SOX10: variants seen among roughly 807,000 people sequenced by gnomAD.
SOX10 encodes the protein SRY-box transcription factor 10, also known as transcription factor SOX-10.
A neutral mutation model predicts 35.0 loss-of-function variants in SOX10; 3 were observed. The observed-to-expected ratio is 0.09, with a 90% CI of 0.04 to 0.22. SOX10 has a LOEUF of 0.22. SOX10 is among the 10% of genes least tolerant of loss of function. The probability of loss-of-function intolerance (pLI) is 1.00; values close to 1 mark genes in which losing one functional copy is unlikely to be tolerated. For missense variants in SOX10, 436 were observed against 655.1 expected (o/e 0.67, Z 3.65); for synonymous variants, 285 against 291.0 (o/e 0.98, Z 0.21).
At chr22:37,981,505 C>T (rs910121793) in intron 2 of SOX10, among the ~76,000 whole-genome samples, 2 of 152,172 alleles carry the variant, frequency 1.3e-5, no homozygotes, top group African/African-American at 2.4e-5. Context: ...GGAGTCCAAG[C>T]CCAGGGTTCT....
chr22:37,974,121 C>G lies in SOX10; in HGVS notation c.775G>C (p.Asp259His), dbSNP rs1932150045. ...CCGCCCTCCCCCATGGAGCGCCCGT[C>G]CCGCTTCGGGTCTGCCTTGCCCGAC... ...LQSGKADPKR[D>H]GRSMGEGGKP... Residue 259 changes from aspartate to histidine, a missense_variant, in exon 4 of 4, where the codon GAC becomes CAC. Around this residue, in one of 3 missense-constraint regions of SOX10, gnomAD observed 285 missense variants for 402.9 expected, o/e 0.71. Transcript: ENST00000396884. This position sits in a 1 kb window ranked among gnomAD's most constrained non-coding sequence, Gnocchi z 5.4. 6.2e-7 allele frequency: 1 copy of G among 1,612,946 alleles called. No individual in the cohort carries two copies. Among genetic ancestry groups the G allele is most frequent in the Admixed American group, 1.7e-5 (1 of 60,008 alleles).
At chr22:37,982,594 C>T (rs1378234753) in intron 2 of SOX10, among the ~76,000 whole-genome samples, 1 of 152,100 alleles carries the variant, frequency 6.6e-6, no homozygotes, top group Admixed American at 6.5e-5. Flanking sequence ...GTGCTCAGCT[C>T]CAGCTCTGGG....
Position 37,974,342 on chromosome 22 carries a change from G to T in SOX10, c.698-144C>A. 1 of 631,058 alleles carries T rather than the reference G, an allele frequency of 1.6e-6. No individual in the cohort carries two copies. The highest frequency in any genetic ancestry group is 1.9e-5 in the African/African-American group (1 of 53,850). The allele number at this position is 631,058 out of a possible 1,614,324, so 39.1% of individuals were successfully genotyped here. A position where few individuals can be genotyped will look rare whatever the true frequency, so the allele number is the denominator to read the frequency against. On this transcript the variant is annotated intron_variant, in intron 3 of 3. Transcript: ENST00000396884. The surrounding 1 kb of genome is among the most constrained non-coding windows in gnomAD (Gnocchi z 5.4). ...TAAGTTTCACATTTTGGCAGCATGAGTCGGGTTTTTTTTTGTTTTTTTTTT... is the reference window on the plus strand; with the variant it reads ...TAAGTTTCACATTTTGGCAGCATGATTCGGGTTTTTTTTTGTTTTTTTTTT...
rs115516002 is a variant in SOX10 at position 37,983,992 on chromosome 22, T to A, written c.-84-124A>T. On this transcript the variant is annotated intron_variant, in intron 1 of 3. Coordinates refer to ENST00000396884, the MANE Select transcript of SOX10 (RefSeq NM_006941.4). The surrounding 1 kb of genome is among the most constrained non-coding windows in gnomAD (Gnocchi z 9.5). ...GCTCCAGCTAAACCCATCTGGCCCC[T>A]GGGGCCCACGCACATGCCAGACTCT... The A allele has an allele frequency of 2.8e-3, 955 of 335,284 alleles. 14 individuals are homozygous for A. Among genetic ancestry groups the A allele is most frequent in the African/African-American group, 0.02 (898 of 44,732 alleles). The allele number at this position is 335,284 out of a possible 1,614,324, so 20.8% of individuals were successfully genotyped here.
chr22:37,979,710 C>T (rs1251591569), intron 2 of SOX10, among the ~76,000 whole-genome samples: 1 of 152,012 alleles, frequency 6.6e-6, no homozygotes, highest in Non-Finnish European at 1.5e-5. Flanking sequence ...CAGCCTTAGG[C>T]CAGGGTTGGA....
At position 37,983,251 on chromosome 22, in the gene SOX10, C is replaced by G. The variant is rs1932455460; in HGVS notation, c.428+106G>C. On this transcript the variant is annotated intron_variant, in intron 2 of 3. Transcript: ENST00000396884. The surrounding 1 kb of genome is among the most constrained non-coding windows in gnomAD (Gnocchi z 9.5). ...GTCTTCCAGCCCTATCCAAGGAGGA[C>G]TGCCAGACAGTCCCGCTCTGAGGTG... The G allele has an allele frequency of 2.3e-6, 3 of 1,322,382 alleles. No homozygotes were observed. The highest frequency in any genetic ancestry group is 5.0e-5 in the East Asian group (2 of 39,890). The allele number at this position is 1,322,382 out of a possible 1,614,324, so 81.9% of individuals were successfully genotyped here.
chr22:37,973,315 C>G lies in SOX10; in HGVS notation c.*180G>C. On this transcript the variant is annotated 3_prime_UTR_variant, in exon 4 of 4. Coordinates refer to ENST00000396884, the MANE Select transcript of SOX10 (RefSeq NM_006941.4). ...TTCTCCTGGGGCTTTGCTGCTGGAG[C>G]CTGGATGGGGCGGGTGGGTCATCAG... 3.5e-6 allele frequency: 2 copies of G among 573,860 alleles called. No homozygotes were observed. The highest frequency in any genetic ancestry group is 6.2e-6 in the Non-Finnish European group (2 of 322,952). The allele number at this position is 573,860 out of a possible 1,614,324, so 35.5% of individuals were successfully genotyped here.
intron 2 of SOX10, among the ~76,000 whole-genome samples, chr22:37,979,426 C>G (rs948748111): frequency 2.0e-5 from 3 of 151,960 alleles, no homozygotes; most frequent in Non-Finnish European, 4.4e-5. Flanking sequence ...ATGCTGCTTG[C>G]GGGGGTGGTT....
Position 37,978,151 on chromosome 22 carries a change from A to C in SOX10, c.429-16T>G. On this transcript the variant is annotated splice_polypyrimidine_tract_variant and intron_variant, in intron 2 of 3. Transcript: ENST00000396884. This position sits in a 1 kb window ranked among gnomAD's most constrained non-coding sequence, Gnocchi z 5.0. ...GTTCAGCAGCCTGGGGTGTGGTGGG[A>C]GGCGGAGAGGACAGCAGAGGGGCTG... The C allele has an allele frequency of 6.5e-7, 1 of 1,538,314 alleles. No homozygotes were observed. Among genetic ancestry groups the C allele is most frequent in the South Asian group, 1.2e-5 (1 of 82,006 alleles).
At position 37,983,788 on chromosome 22, in the gene SOX10, G is replaced by A; in HGVS notation, c.-4C>T. The A allele has an allele frequency of 1.4e-6, 2 of 1,432,898 alleles. No individual in the cohort carries two copies. Among genetic ancestry groups the A allele is most frequent in the Non-Finnish European group, 1.8e-6 (2 of 1,093,256 alleles). 88.8% of individuals were successfully genotyped at this position (1,432,898 alleles called of 1,614,324 possible). Reference sequence around the variant, plus strand: ...ATAGGTCCTGCTCCTCCGCCATGTCGCCCCCGGCCGCCGCCGCCGCCGCCT... The same window carrying A: ...ATAGGTCCTGCTCCTCCGCCATGTCACCCCCGGCCGCCGCCGCCGCCGCCT... On this transcript the variant is annotated 5_prime_UTR_variant, in exon 2 of 4. Coordinates refer to ENST00000396884, the MANE Select transcript of SOX10 (RefSeq NM_006941.4). The surrounding 1 kb of genome is among the most constrained non-coding windows in gnomAD (Gnocchi z 9.5).
At chr22:37,976,399 T>C (rs1490815042) in intron 3 of SOX10, among the ~76,000 whole-genome samples, 1 of 152,234 alleles carries the variant, frequency 6.6e-6, no homozygotes, top group South Asian at 2.1e-4. Context: ...TTTTCATCCC[T>C]GCTCCTCTCT....
Position 37,983,400 on chromosome 22 carries a change from G to A in SOX10, c.385C>T (p.Leu129=), listed in dbSNP as rs1932462525. ...GTCTTGCTGAGCTCAGCGTTGTGCA[G>A]GTGCGGGTACTGGTCCGCGAGCTTC... ...RRKLADQYPH[L]HNAELSKTLG... The change falls in exon 2 of 4, where the codon CTG becomes TTG. Residue 129 remains leucine (L), a synonymous_variant. Transcript: ENST00000396884. The surrounding 1 kb of genome is among the most constrained non-coding windows in gnomAD (Gnocchi z 9.5). The A allele has an allele frequency of 1.2e-6, 2 of 1,610,530 alleles. No homozygotes were observed. The highest frequency in any genetic ancestry group is 1.7e-6 in the Non-Finnish European group (2 of 1,178,978).
chr22:37,975,475 T>C (rs192362100), intron 3 of SOX10, among the ~76,000 whole-genome samples: 1 of 151,852 alleles, frequency 6.6e-6, no homozygotes, highest in Admixed American at 6.6e-5. Context: ...GGTCTCCTGA[T>C]GTGTGTGTGT....
At chr22:37,975,555 A>G (rs1304214954) in intron 3 of SOX10, among the ~76,000 whole-genome samples, 1 of 152,146 alleles carries the variant, frequency 6.6e-6, no homozygotes, top group Non-Finnish European at 1.5e-5. Flanking sequence ...TGGCATCCCA[A>G]TGGAGACAGA....
chr22:37,977,459 T>G (rs1932255166), intron 3 of SOX10, among the ~76,000 whole-genome samples: 2 of 151,972 alleles, frequency 1.3e-5, no homozygotes, highest in Non-Finnish European at 2.9e-5. Context: ...TAGCTGGGAC[T>G]ACAGGTGCTC....
At chr22:37,976,458 T>C (rs1363180953) in intron 3 of SOX10, among the ~76,000 whole-genome samples, 1 of 152,356 alleles carries the variant, frequency 6.6e-6, no homozygotes, top group East Asian at 1.9e-4. Flanking sequence ...CTCTGGTTAG[T>C]ACCCCTGGTG....
In SOX10 at chr22:37,973,719, G is replaced by A. The variant is rs1468610407; in HGVS notation, c.1177C>T (p.Pro393Ser). Residue 393 changes from proline to serine, a missense_variant, in exon 4 of 4, where the codon CCC becomes TCC. Pro to Ser is a moderately conservative substitution (Grantham distance 74). This residue lies in a region of SOX10 where 285 missense variants were observed against 402.9 expected (regional missense o/e 0.71). Transcript: ENST00000396884. ...TCAAACTGGGGGCGGGAGATGGAGG[G>A]GAAGGCTGAGCCATAGTGGGGCAGG... ...LSLPHYGSAF[P>S]SISRPQFDYS... 1 of 1,606,022 alleles carries A rather than the reference G, an allele frequency of 6.2e-7. No homozygotes were observed. The highest frequency in any genetic ancestry group is 1.1e-5 in the South Asian group (1 of 90,768).
chr22:37,976,706 C>T (rs1932230912), intron 3 of SOX10, among the ~76,000 whole-genome samples: 1 of 152,196 alleles, frequency 6.6e-6, no homozygotes, highest in Non-Finnish European at 1.5e-5. Flanking sequence ...TGAGCCCAGG[C>T]AGTTTGGGTA....
intron 2 of SOX10, among the ~76,000 whole-genome samples, chr22:37,982,785 C>T (rs867031573): frequency 2.6e-5 from 4 of 152,084 alleles, no homozygotes; most frequent in Admixed American, 6.5e-5. Flanking sequence ...AGGAGGGTGG[C>T]GTCAGAAAGT....
Sources: allele counts gnomAD v4.1 joint callset (sites outside exome capture counted in the v4.1 genomes callset), GRCh38; gene constraint gnomAD v4.1.1; regional missense constraint gnomAD v4.1.1; non-coding constraint Gnocchi (gnomAD v3.1); transcripts MANE v1.5; gene names NCBI Gene and HGNC (gene_info 2026-07-23, HGNC 2026-07-21).